The following PKD2L2 variants were observed in gnomAD, a reference collection of about 807,000 sequenced individuals.
The protein encoded by PKD2L2 is polycystin 2 like 2, transient receptor potential cation channel, also known as polycystin-2-like protein 2.
A neutral mutation model predicts 83.9 loss-of-function variants in PKD2L2; 67 were observed. The observed-to-expected ratio is 0.80, with a 90% CI of 0.66 to 0.98. The LOEUF is 0.98. Ranked by LOEUF, PKD2L2 falls within the 50% of genes least tolerant of loss-of-function variation. PKD2L2 has a pLI of 0.00. For synonymous variants in PKD2L2, 223 were observed against 237.8 expected (o/e 0.94, Z 0.57); for missense variants, 632 against 717.2 (o/e 0.88, Z 1.36).
At chr5:137,928,422 GAATT>G (rs1759562237) in intron 12 of PKD2L2, among the ~76,000 whole-genome samples, 1 of 147,964 alleles carries the variant, frequency 6.8e-6, no homozygotes, top group African/African-American at 2.5e-5. Flanking sequence ...ATATCATTTA[GAATT>G]AATAAACCAG....
At chr5:137,929,706 G>A (rs1016539192) in intron 12 of PKD2L2, among the ~76,000 whole-genome samples, 1 of 151,900 alleles carries the variant, frequency 6.6e-6, no homozygotes, top group African/African-American at 2.4e-5. Context: ...CAAATATAAA[G>A]GCTCGAACAT....
chr5:137,910,318 C>T (rs1259116297), intron 8 of PKD2L2, among the ~76,000 whole-genome samples: 2 of 150,796 alleles, frequency 1.3e-5, no homozygotes, highest in African/African-American at 4.9e-5. Flanking sequence ...TAATAATTTA[C>T]AGAGCCTAGG....
intron 14 of PKD2L2, chr5:137,938,408 C>A (rs1234150649): frequency 6.6e-6 from 1 of 152,522 alleles, no homozygotes; most frequent in Non-Finnish European, 1.5e-5. Flanking sequence ...ATACACAGTG[C>A]ACATAAAATT....
At chr5:137,918,946 G>GTC (rs1580959435) in intron 8 of PKD2L2, among the ~76,000 whole-genome samples, 1 of 139,616 alleles carries the variant, frequency 7.2e-6, no homozygotes, top group African/African-American at 2.6e-5. Context: ...CCTGCACAAT[G>GTC]TGTGTGTGTG....
chr5:137,939,985 C>T (rs1561719217), intron 14 of PKD2L2: 1 of 1,563,866 alleles, frequency 6.4e-7, no homozygotes, highest in Non-Finnish European at 8.7e-7. Flanking sequence ...TGAAGTAAAC[C>T]ATATGTTTGC....
At chr5:137,897,407 C>T (rs969373759) in intron 4 of PKD2L2, among the ~76,000 whole-genome samples, 4 of 152,096 alleles carry the variant, frequency 2.6e-5, no homozygotes, top group African/African-American at 9.7e-5. Context: ...CCCCAAATTA[C>T]AAGATAAAGC....
At position 137,935,812 on chromosome 5, in the gene PKD2L2, G is replaced by C; in HGVS notation, c.1687G>C (p.Glu563Gln). ...ACCCTGACAGGAGATTCAAAACGCA[G>C]AGCAGATGAAAAAATGGAAAGAGAG... The part of the protein sequence containing the change: ...GFDENEIQNA[E>Q]QMKKWKERLE... Residue 563 changes from glutamate to glutamine, a missense_variant, in exon 13 of 15, where the codon GAG becomes CAG. Physicochemically the swap from Glu to Gln is conservative, Grantham distance 29. This residue lies in a region of PKD2L2 where 399 missense variants were observed against 416.9 expected (regional missense o/e 0.96). Transcript: ENST00000508883. The C allele has an allele frequency of 6.2e-7, 1 of 1,600,838 alleles. No individual in the cohort carries two copies. The highest frequency in any genetic ancestry group is 8.6e-7 in the Non-Finnish European group (1 of 1,168,136).
chr5:137,895,472 T>TAAA (rs756004179), intron 4 of PKD2L2, among the ~76,000 whole-genome samples: 7 of 65,828 alleles, frequency 1.1e-4, no homozygotes, highest in Admixed American at 5.0e-4. Flanking sequence ...ACCTTGTCCC[T>TAAA]AAAAAAAAAA....
At chr5:137,904,970 T>G (rs1443924663) in intron 5 of PKD2L2, among the ~76,000 whole-genome samples, 1 of 152,204 alleles carries the variant, frequency 6.6e-6, no homozygotes. Context: ...TACCTTTTAT[T>G]TTAAAGTTCT....
At chr5:137,917,098 C>T (rs1304378336) in intron 8 of PKD2L2, among the ~76,000 whole-genome samples, 1 of 151,874 alleles carries the variant, frequency 6.6e-6, no homozygotes, top group African/African-American at 2.4e-5. Flanking sequence ...TTTGGAACTT[C>T]CATAATGTGT....
At chr5:137,899,170 T>C (rs918074351) in intron 4 of PKD2L2, among the ~76,000 whole-genome samples, 9 of 152,134 alleles carry the variant, frequency 5.9e-5, no homozygotes, top group African/African-American at 2.2e-4. Flanking sequence ...TGGGCTGGAG[T>C]GCAGTGGCAT....
intron 3 of PKD2L2, among the ~76,000 whole-genome samples, chr5:137,893,163 A>G (rs1756141381): frequency 6.6e-6 from 1 of 152,192 alleles, no homozygotes. Flanking sequence ...GATCTAGTCT[A>G]TAATTGTGTA....
chr5:137,935,418 A>T (rs1438776111), intron 12 of PKD2L2, among the ~76,000 whole-genome samples: 1 of 152,250 alleles, frequency 6.6e-6, no homozygotes, highest in Non-Finnish European at 1.5e-5. Context: ...ATACCCACAG[A>T]TACACTTTGA....
intron 8 of PKD2L2, among the ~76,000 whole-genome samples, chr5:137,921,362 G>GAA (rs66968280): frequency 0.011 from 1,662 of 144,728 alleles, 34 homozygotes; most frequent in African/African-American, 0.033. Context: ...CTGTCTCAAA[G>GAA]AAAAAAAAAA....
Position 137,889,470 on chromosome 5 carries a change from G to T in PKD2L2, c.-22G>T. ...CGCCGCGGCCTCAGGCGAACGAACG[G>T]GCGGTGTAGTGCAGGTCCGCCATGG... On this transcript the variant is annotated 5_prime_UTR_variant, in exon 1 of 15. Coordinates refer to ENST00000508883, the MANE Select transcript of PKD2L2 (RefSeq NM_001300921.2). 1 of 1,585,378 alleles carries T rather than the reference G, an allele frequency of 6.3e-7. No homozygotes were observed. Among genetic ancestry groups the T allele is most frequent in the South Asian group, 1.1e-5 (1 of 88,952 alleles).
At chr5:137,915,917 T>C (rs1032684795) in intron 8 of PKD2L2, among the ~76,000 whole-genome samples, 21 of 152,244 alleles carry the variant, frequency 1.4e-4, no homozygotes, top group Admixed American at 5.2e-4. Flanking sequence ...ACTTGTAGGA[T>C]TCCTTTTAGA....
intron 8 of PKD2L2, among the ~76,000 whole-genome samples, chr5:137,915,234 T>C (rs1758217642): frequency 6.6e-6 from 1 of 151,704 alleles, no homozygotes. Context: ...TCTCTGACTT[T>C]GGTTTCAGGG....
chr5:137,934,720 G>A (rs991577496), intron 12 of PKD2L2, among the ~76,000 whole-genome samples: 3 of 152,182 alleles, frequency 2.0e-5, no homozygotes, highest in Admixed American at 2.0e-4. Context: ...GCTGAGGAAG[G>A]AGAATCCTTT....
intron 14 of PKD2L2, chr5:137,939,050 C>T (rs1356490258): frequency 6.6e-6 from 1 of 151,930 alleles, no homozygotes; most frequent in Non-Finnish European, 1.5e-5. Flanking sequence ...GAAGAAAAGC[C>T]ATGCAAAGCC....
Sources: gnomAD v4.1 joint callset for allele counts (sites outside exome capture counted in the v4.1 genomes callset) on GRCh38, gnomAD v4.1.1 for gene constraint, gnomAD v4.1.1 regional missense constraint, MANE v1.5 for transcripts, NCBI Gene and HGNC (gene_info 2026-07-23, HGNC 2026-07-21) for gene names.